MAP1LC3A: variants seen among roughly 807,000 people sequenced by gnomAD.
MAP1LC3A encodes microtubule associated protein 1 light chain 3 alpha, also known as microtubule-associated protein 1 light chain 3 alpha.
In MAP1LC3A, 10 loss-of-function variants were observed where a neutral mutation model predicts 15.2. The observed-to-expected ratio is 0.66, with a 90% CI of 0.41 to 1.12. The LOEUF is 1.12. Among genes scored for constraint, MAP1LC3A ranks in the 50% most tolerant of loss-of-function variants. The probability of loss-of-function intolerance (pLI) is 0.00; values close to 1 mark genes in which losing one functional copy is unlikely to be tolerated. For missense variants in MAP1LC3A, 138 were observed against 167.3 expected (o/e 0.82, Z 0.97); for synonymous variants, 63 against 64.3 (o/e 0.98, Z 0.10).
chr20:34,559,597 G>A, intron 3 of MAP1LC3A, 139 bp from the exon 4 acceptor site: 1 of 1,233,758 alleles, frequency 8.1e-7, no homozygotes, highest in East Asian at 2.4e-5. Flanking sequence ...TCAAGGTCGG[G>A]GCTGCAGTCG....
At chr20:34,549,530 A>T (rs747795296) in intron 1 of MAP1LC3A, among the ~76,000 whole-genome samples, 21 of 152,186 alleles carry the variant, frequency 1.4e-4, no homozygotes, top group Admixed American at 3.9e-4. Context: ...AGCCGGTGGT[A>T]GAAGAAAACA....
Position 34,559,688 on chromosome 20 carries a change from T to C in MAP1LC3A, c.204-48T>C, listed in dbSNP as rs543267331. 88 of 1,556,924 alleles carry C rather than the reference T, an allele frequency of 5.7e-5. No homozygotes were observed. The South Asian group carries it at 9.9e-4, about 17-fold the overall frequency. On this transcript the variant is annotated intron_variant, in intron 3 of 3. Coordinates refer to ENST00000360668, the MANE Select transcript of MAP1LC3A (RefSeq NM_032514.4). ...ATTCTGGGGGTCAGGGCTATGTCCG[T>C]CCCGCAGCCAAGCCCCTCACAGCTG... is the stretch of plus-strand genomic sequence containing the variant.
chr20:34,556,204 T>C (rs1277753557), upstream of MAP1LC3A, among the ~76,000 whole-genome samples: 1 of 152,250 alleles, frequency 6.6e-6, no homozygotes, highest in East Asian at 1.9e-4. Flanking sequence ...TTTATTTATA[T>C]ATGACTTCAT....
intron 2 of MAP1LC3A, among the ~76,000 whole-genome samples, chr20:34,553,462 T>C (rs531513320): frequency 3.8e-4 from 58 of 152,186 alleles, no homozygotes; most frequent in African/African-American, 1.3e-3. Context: ...GCCCTCCTCC[T>C]CCACGTTGGC....
Position 34,559,062 on chromosome 20 carries a change from C to T in MAP1LC3A, c.41-146C>T, listed in dbSNP as rs995943106. 4 of 1,324,532 alleles carry T rather than the reference C, an allele frequency of 3.0e-6. No individual in the cohort carries two copies. In the East Asian group the frequency reaches 9.2e-5, roughly 31 times the overall value. 82.0% of individuals were successfully genotyped at this position (1,324,532 alleles called of 1,614,324 possible). ...GGGCGGGGGCTGCCCGCTTCCCCAC[C>T]GCGATAGGTGCCAGGGGCTGTGGGG... On this transcript the variant is annotated intron_variant, in intron 1 of 3. Transcript: ENST00000360668.
upstream of MAP1LC3A, among the ~76,000 whole-genome samples, chr20:34,556,599 C>CTT (rs765589689): frequency 1.0e-4 from 14 of 140,048 alleles, no homozygotes; most frequent in Admixed American, 1.4e-4. Context: ...TTTTCAGCCT[C>CTT]TTTTTTTTTT....
At chr20:34,547,710 G>C (rs142525326) in intron 1 of MAP1LC3A, among the ~76,000 whole-genome samples, 1 of 152,134 alleles carries the variant, frequency 6.6e-6, no homozygotes, top group Non-Finnish European at 1.5e-5. Context: ...AGGATTGTGA[G>C]TTTCCTGAGG....
intron 2 of MAP1LC3A, chr20:34,550,177 A>C: frequency 1.6e-6 from 1 of 628,046 alleles, no homozygotes; most frequent in Non-Finnish European, 2.7e-6. Context: ...TCTCAGGCCC[A>C]TGGGTCCAAG....
chr20:34,555,162 T>TTTG (rs1982108215), upstream of MAP1LC3A, among the ~76,000 whole-genome samples: 1 of 151,614 alleles, frequency 6.6e-6, no homozygotes, highest in African/African-American at 2.4e-5. Context: ...TTTTTTTTTT[T>TTTG]GAGACAGAGT....
intron 1 of MAP1LC3A, among the ~76,000 whole-genome samples, chr20:34,547,170 G>A (rs946761707): frequency 2.6e-5 from 4 of 152,168 alleles, no homozygotes; most frequent in Admixed American, 6.5e-5. Context: ...GGACGCGGGC[G>A]GGGAGTTTGA....
chr20:34,550,026 C>G, exon 2 of MAP1LC3A: 1 of 1,614,128 alleles, frequency 6.2e-7, no homozygotes, highest in Non-Finnish European at 8.5e-7. Flanking sequence ...AGCTGTGGAC[C>G]CAGGTCTGTC....
Position 34,558,810 on chromosome 20 carries a change from C to A in MAP1LC3A, c.-59C>A. 7.1e-7 allele frequency: 1 copy of A among 1,414,340 alleles called. No homozygotes were observed. The highest frequency in any genetic ancestry group is 1.5e-5 in the South Asian group (1 of 67,688). The allele number at this position is 1,414,340 out of a possible 1,614,324, so 87.6% of individuals were successfully genotyped here. ...GCGCGGAGCCCCCGGAGCCCCCAAA[C>A]CGCAGACACATCCCCGCGCCCCAGA... is the stretch of plus-strand genomic sequence containing the variant. On this transcript the variant is annotated 5_prime_UTR_variant, in exon 1 of 4. Transcript: ENST00000360668. The surrounding 1 kb of genome is among the most constrained non-coding windows in gnomAD (Gnocchi z 4.3).
At position 34,558,875 on chromosome 20, in the gene MAP1LC3A, T is replaced by A; in HGVS notation, c.7T>A (p.Ser3Thr). 7.0e-7 allele frequency: 1 copy of A among 1,435,708 alleles called. No individual in the cohort carries two copies. Among genetic ancestry groups the A allele is most frequent in the Non-Finnish European group, 9.1e-7 (1 of 1,099,406 alleles). 88.9% of individuals were successfully genotyped at this position (1,435,708 alleles called of 1,614,324 possible). A position where few individuals can be genotyped will look rare whatever the true frequency, so the allele number is the denominator to read the frequency against. MP[S>T]DRPFKQRRSF... ...GCCCAGCCGGGCCCGCGCGATGCCC[T>A]CAGACCGGCCTTTCAAGCAGCGGCG... The change falls in exon 1 of 4, where the codon TCA becomes ACA. Residue 3 changes from serine to threonine, a missense_variant. Physicochemically the swap from Ser to Thr is moderately conservative, Grantham distance 58 (BLOSUM62 1). Transcript: ENST00000360668. This position sits in a 1 kb window ranked among gnomAD's most constrained non-coding sequence, Gnocchi z 4.3.
chr20:34,558,910 T>C lies in MAP1LC3A; in HGVS notation c.40+2T>C. ...CTTTCAAGCAGCGGCGGAGCTTCGGTGAGGCCCGGCAGGCGAGCTGCGAGC... is the reference window on the plus strand; with the variant it reads ...CTTTCAAGCAGCGGCGGAGCTTCGGCGAGGCCCGGCAGGCGAGCTGCGAGC... On this transcript the variant is annotated splice_donor_variant, in intron 1 of 3. Transcript: ENST00000360668. LOFTEE classifies it high-confidence loss of function. The surrounding 1 kb of genome is among the most constrained non-coding windows in gnomAD (Gnocchi z 4.3). 1 of 1,404,766 alleles carries C rather than the reference T, an allele frequency of 7.1e-7. No individual in the cohort carries two copies. The highest frequency in any genetic ancestry group is 1.5e-5 in the South Asian group (1 of 67,404). 87.0% of individuals were successfully genotyped at this position (1,404,766 alleles called of 1,614,324 possible).
intron 1 of MAP1LC3A, among the ~76,000 whole-genome samples, chr20:34,549,059 T>C (rs1305745315): frequency 1.4e-5 from 2 of 147,314 alleles, no homozygotes; most frequent in African/African-American, 2.5e-5. Flanking sequence ...TTTGATAGTC[T>C]CTATCACCCA....
chr20:34,555,131 G>T (rs1217452584), upstream of MAP1LC3A, among the ~76,000 whole-genome samples: 1 of 151,070 alleles, frequency 6.6e-6, no homozygotes, highest in East Asian at 1.9e-4. Flanking sequence ...TGCCACCAAA[G>T]CCAGCGAATT....
intron 1 of MAP1LC3A, among the ~76,000 whole-genome samples, chr20:34,549,544 T>G (rs1981866965): frequency 6.6e-6 from 1 of 151,978 alleles, no homozygotes; most frequent in African/African-American, 2.4e-5. Context: ...GAAAACAGCT[T>G]GATTGATGGG....
chr20:34,559,022 G>A, intron 1 of MAP1LC3A, 114 bp downstream of exon 1: 1 of 1,338,890 alleles, frequency 7.5e-7, no homozygotes, highest in Non-Finnish European at 9.5e-7. Context: ...CTCGGGCTGG[G>A]ACCAGCTCCG....
intron 1 of MAP1LC3A, among the ~76,000 whole-genome samples, chr20:34,547,545 G>T (rs1453827784): frequency 1.3e-5 from 2 of 151,432 alleles, no homozygotes; most frequent in South Asian, 2.1e-4. Flanking sequence ...TCAAGGGAGA[G>T]CCCAGGTGGA....
Sources: allele counts gnomAD v4.1 joint callset (sites outside exome capture counted in the v4.1 genomes callset), GRCh38; gene constraint gnomAD v4.1.1; non-coding constraint Gnocchi (gnomAD v3.1); transcripts MANE v1.5; gene names NCBI Gene and HGNC (gene_info 2026-07-23, HGNC 2026-07-21).